The following CNTN5 variants were observed in gnomAD, a reference collection of about 807,000 sequenced individuals.
CNTN5 encodes the protein contactin 5.
In CNTN5, 77 loss-of-function variants were observed where a neutral mutation model predicts 129.1. That is an observed-to-expected ratio of 0.60 (90% confidence interval 0.50 to 0.72). The LOEUF is 0.72. Ranked by LOEUF, CNTN5 falls within the 30% of genes least tolerant of loss-of-function variation. CNTN5 has a pLI of 0.00. For synonymous variants in CNTN5, 509 were observed against 465.6 expected (o/e 1.09, Z -1.20); for missense variants, 1,478 against 1,328.8 (o/e 1.11, Z -1.75).
intron 3 of CNTN5, among the ~76,000 whole-genome samples, chr11:99,669,413 T>C (rs1342484744): frequency 6.6e-6 from 1 of 151,944 alleles, no homozygotes; most frequent in Non-Finnish European, 1.5e-5. Context: ...TGAGCAGTTC[T>C]TGACTACCTT....
intron 3 of CNTN5, among the ~76,000 whole-genome samples, chr11:99,620,024 T>A (rs1222288461): frequency 0.049 from 1,974 of 40,318 alleles, 58 homozygotes; most frequent in African/African-American, 0.12. Flanking sequence ...AGACTCCGTC[T>A]CAAAAAAAAA....
chr11:99,509,070 C>T (rs1348859441), intron 2 of CNTN5, among the ~76,000 whole-genome samples: 1 of 152,112 alleles, frequency 6.6e-6, no homozygotes, highest in African/African-American at 2.4e-5. Context: ...ACAACACTTA[C>T]ACAGATATGA....
At chr11:99,591,462 C>T (rs545051754) in intron 3 of CNTN5, among the ~76,000 whole-genome samples, 5 of 151,632 alleles carry the variant, frequency 3.3e-5, no homozygotes, top group East Asian at 2.0e-4. Context: ...CTCAGCCTCC[C>T]GAGTAGCTGA....
chr11:99,262,914 G>A (rs926908826), intron 1 of CNTN5, among the ~76,000 whole-genome samples: 1 of 151,970 alleles, frequency 6.6e-6, no homozygotes, highest in African/African-American at 2.4e-5. Context: ...TTCTTAAGGT[G>A]AAAGATAATA....
intron 13 of CNTN5, among the ~76,000 whole-genome samples, chr11:100,163,665 CT>C (rs1947530580): frequency 6.6e-6 from 1 of 151,772 alleles, no homozygotes; most frequent in African/African-American, 2.4e-5. Context: ...TTCTGCTGAC[CT>C]TGTTTATTTG....
intron 13 of CNTN5, among the ~76,000 whole-genome samples, chr11:100,090,867 C>T (rs1390745098): frequency 6.6e-6 from 1 of 152,010 alleles, no homozygotes; most frequent in Non-Finnish European, 1.5e-5. Context: ...ACATAATACA[C>T]ATCACTTTAC....
chr11:99,380,781 A>AAG lies in CNTN5; in HGVS notation c.-71+55298_-71+55299insGA, dbSNP rs1415000487. 4.7e-4 allele frequency among the ~76,000 whole-genome samples: 70 copies of AAG among 148,448 alleles called. 4 individuals are homozygous for AAG. In the South Asian group the frequency reaches 0.014, roughly 29 times the overall value. On this transcript the variant is annotated intron_variant, in intron 2 of 24. Transcript: ENST00000524871. ...GAAACTCTATCTCAAAAAAAAAAAAAAAAAAGAAAAGAAAAAAGAAAAGAA... is the reference window on the plus strand; with the variant it reads ...GAAACTCTATCTCAAAAAAAAAAAAAAGAAAAAGAAAAGAAAAAAGAAAAGAA...
In CNTN5 at chr11:99,255,873, T is replaced by A. The variant is rs566066176; in HGVS notation, c.-209-69473T>A. Among the ~76,000 whole-genome samples, 6 of 151,888 alleles carry A rather than the reference T, an allele frequency of 4.0e-5. No homozygotes were observed. The South Asian group carries it at 1.0e-3, about 26-fold the overall frequency. On this transcript the variant is annotated intron_variant, in intron 1 of 24. Coordinates refer to ENST00000524871, the MANE Select transcript of CNTN5 (RefSeq NM_014361.4). ...ACCCCACATTGGGTGCTCTTTCGTT[T>A]CTCCACTCTGATAAAGCTTTATACT... is the stretch of plus-strand genomic sequence containing the variant.
chr11:100,293,192 T>C (rs1369402719), intron 18 of CNTN5, among the ~76,000 whole-genome samples: 1 of 151,864 alleles, frequency 6.6e-6, no homozygotes, highest in African/African-American at 2.4e-5. Flanking sequence ...TGGATCCATA[T>C]AAACAAAGGG....
At chr11:99,230,704 T>G (rs1221025430) in intron 1 of CNTN5, among the ~76,000 whole-genome samples, 1 of 152,166 alleles carries the variant, frequency 6.6e-6, no homozygotes, top group East Asian at 1.9e-4. Context: ...GATGTGCAGG[T>G]TTGTTACACA....
At chr11:99,308,594 C>G (rs1864971842) in intron 1 of CNTN5, among the ~76,000 whole-genome samples, 1 of 152,116 alleles carries the variant, frequency 6.6e-6, no homozygotes, top group South Asian at 2.1e-4. Context: ...AGAAAACATA[C>G]TAAGAACACA....
chr11:100,036,355 A>C lies in CNTN5; in HGVS notation c.981-24857A>C, dbSNP rs539096393. Among the ~76,000 whole-genome samples, 19 of 151,834 alleles carry C rather than the reference A, an allele frequency of 1.3e-4. 1 individual carries two copies. The South Asian group carries it at 2.5e-3, about 20-fold the overall frequency. On this transcript the variant is annotated intron_variant, in intron 9 of 24. Transcript: ENST00000524871. ...TCTGTTTTGGTACCAGTACCAGGCT[A>C]TTTTGGTTACTGTAGCTTTGTAGTA... is the stretch of plus-strand genomic sequence containing the variant.
At position 99,452,287 on chromosome 11, in the gene CNTN5, G is replaced by C. The variant is rs147810788; in HGVS notation, c.-70-103858G>C. 1.4e-3 allele frequency among the ~76,000 whole-genome samples: 204 copies of C among 151,100 alleles called. 1 individual carries two copies. Among genetic ancestry groups the C allele is most frequent in the African/African-American group, 4.8e-3 (196 of 41,150 alleles). ...CTCGTCAGCACTAATATATATGTTA[G>C]CTCCCAGTCCAAAGTCCTTAGTTCT... On this transcript the variant is annotated intron_variant, in intron 2 of 24. Coordinates refer to ENST00000524871, the MANE Select transcript of CNTN5 (RefSeq NM_014361.4).
At chr11:99,358,233 C>G (rs1343053719) in intron 2 of CNTN5, among the ~76,000 whole-genome samples, 1 of 104,742 alleles carries the variant, frequency 9.5e-6, no homozygotes, top group Non-Finnish European at 2.0e-5. Context: ...GGACTACAGG[C>G]GCCCGCCACC....
At chr11:99,742,774 T>C (rs1173100377) in intron 3 of CNTN5, among the ~76,000 whole-genome samples, 2 of 152,206 alleles carry the variant, frequency 1.3e-5, no homozygotes, top group Non-Finnish European at 2.9e-5. Flanking sequence ...TCTGCCTTGA[T>C]AGTAATACTT....
intron 7 of CNTN5, among the ~76,000 whole-genome samples, chr11:99,928,595 C>T (rs926557488): frequency 6.6e-6 from 1 of 152,184 alleles, no homozygotes; most frequent in Non-Finnish European, 1.5e-5. Context: ...TTTACCTTGG[C>T]CCCTTTTAGC....
chr11:100,253,150 C>T (rs1950003914), intron 16 of CNTN5, among the ~76,000 whole-genome samples: 1 of 151,062 alleles, frequency 6.6e-6, no homozygotes, highest in Non-Finnish European at 1.5e-5. Flanking sequence ...TATGTGTTCC[C>T]TAACACATAC....
intron 3 of CNTN5, among the ~76,000 whole-genome samples, chr11:99,774,875 T>G (rs1490525556): frequency 6.6e-6 from 1 of 152,102 alleles, no homozygotes; most frequent in East Asian, 1.9e-4. Flanking sequence ...AAAAAAAAAT[T>G]TTCTTTCAAA....
At chr11:100,044,919 C>T (rs1942585937) in intron 9 of CNTN5, among the ~76,000 whole-genome samples, 1 of 152,050 alleles carries the variant, frequency 6.6e-6, no homozygotes, top group South Asian at 2.1e-4. Flanking sequence ...CTCACCCTGA[C>T]AATTGACTAC....
Sources: gnomAD v4.1 joint callset for allele counts (sites outside exome capture counted in the v4.1 genomes callset) on GRCh38, gnomAD v4.1.1 for gene constraint, MANE v1.5 for transcripts, NCBI Gene and HGNC (gene_info 2026-07-23, HGNC 2026-07-21) for gene names.